The following ZSWIM5 variants were observed in gnomAD, a reference collection of about 807,000 sequenced individuals.
ZSWIM5 encodes the protein zinc finger SWIM-type containing 5, also known as zinc finger SWIM domain-containing protein 5.
ZSWIM5 carries 55 observed loss-of-function variants against 119.6 expected under a neutral mutation model. The ratio of observed to expected loss-of-function variants is 0.46; its 90% confidence interval spans 0.37 to 0.58. The LOEUF (loss-of-function observed/expected upper bound fraction) is 0.58, where lower values mean the gene tolerates loss of function less well. ZSWIM5 is among the 20% of genes least tolerant of loss of function. ZSWIM5 has a pLI of 0.00. For missense variants in ZSWIM5, 1,193 were observed against 1,512.8 expected (o/e 0.79, Z 3.51); for synonymous variants, 537 against 606.9 (o/e 0.88, Z 1.69).
chr1:45,092,282 T>C (rs1223160925), intron 1 of ZSWIM5, among the ~76,000 whole-genome samples: 2 of 152,020 alleles, frequency 1.3e-5, no homozygotes, highest in East Asian at 3.9e-4. Flanking sequence ...GATGGTAAGT[T>C]TTTTTGTTTG....
At chr1:45,099,114 G>A (rs1645421786) in intron 1 of ZSWIM5, among the ~76,000 whole-genome samples, 1 of 152,064 alleles carries the variant, frequency 6.6e-6, no homozygotes, top group African/African-American at 2.4e-5. Context: ...CCAGCAGCTG[G>A]TTTTTTGAAA....
chr1:45,165,324 G>C (rs1373747434), intron 1 of ZSWIM5, among the ~76,000 whole-genome samples: 1 of 152,132 alleles, frequency 6.6e-6, no homozygotes, highest in Non-Finnish European at 1.5e-5. Context: ...GCAGTGTGTA[G>C]AGGGAAATTT....
chr1:45,073,616 T>C (rs1292091515), intron 2 of ZSWIM5, among the ~76,000 whole-genome samples: 2 of 151,862 alleles, frequency 1.3e-5, no homozygotes, highest in African/African-American at 4.9e-5. Context: ...TGTTCATCAA[T>C]TCTAATAGTT....
At position 45,040,729 on chromosome 1, in the gene ZSWIM5, G is replaced by A. The variant is rs560557247; in HGVS notation, c.1610-191C>T. ...AAATCACAGGTGATATCTTGAAAGAGCTACCTTGCAGCCTCAGCGTGGTCT... is the reference window on the plus strand; with the variant it reads ...AAATCACAGGTGATATCTTGAAAGAACTACCTTGCAGCCTCAGCGTGGTCT... On this transcript the variant is annotated intron_variant, in intron 6 of 13. Coordinates refer to ENST00000359600, the MANE Select transcript of ZSWIM5 (RefSeq NM_020883.2). 1.1e-4 allele frequency among the ~76,000 whole-genome samples: 16 copies of A among 152,326 alleles called. No homozygotes were observed. In the South Asian group the frequency reaches 3.3e-3, roughly 32 times the overall value.
At chr1:45,107,828 G>A (rs1645491462) in intron 1 of ZSWIM5, among the ~76,000 whole-genome samples, 1 of 151,780 alleles carries the variant, frequency 6.6e-6, no homozygotes, top group Non-Finnish European at 1.5e-5. Context: ...GTCTTGCTAT[G>A]TCACCTACGC....
rs995660558 is a variant in ZSWIM5 at position 45,092,421 on chromosome 1, C to T, written c.596-4184G>A. Among the ~76,000 whole-genome samples, 6 of 151,958 alleles carry T rather than the reference C, an allele frequency of 3.9e-5. No homozygotes were observed. In the South Asian group the frequency reaches 6.2e-4, roughly 16 times the overall value. ...AAGTGATTCTCCTGCCTCAGCCTCC[C>T]GAGTAGCTGGGATTACAGGTGCCTG... On this transcript the variant is annotated intron_variant, in intron 1 of 13. Transcript: ENST00000359600.
chr1:45,133,376 A>AT (rs1386303142), intron 1 of ZSWIM5, among the ~76,000 whole-genome samples: 4 of 152,002 alleles, frequency 2.6e-5, no homozygotes. Flanking sequence ...GATGATGAGC[A>AT]TTTTTTCATG....
At chr1:45,183,138 C>T (rs1261560336) in intron 1 of ZSWIM5, among the ~76,000 whole-genome samples, 4 of 151,984 alleles carry the variant, frequency 2.6e-5, no homozygotes, top group African/African-American at 9.7e-5. Flanking sequence ...CAACCTGCTC[C>T]TGAATGACTA....
intron 1 of ZSWIM5, among the ~76,000 whole-genome samples, chr1:45,171,434 G>A (rs1344113616): frequency 1.3e-5 from 2 of 152,054 alleles, no homozygotes; most frequent in Non-Finnish European, 2.9e-5. Context: ...ATTACCTACA[G>A]TGGTAGGTAA....
intron 2 of ZSWIM5, among the ~76,000 whole-genome samples, chr1:45,074,837 G>C (rs1007982386): frequency 1.3e-5 from 2 of 151,568 alleles, no homozygotes; most frequent in Non-Finnish European, 2.9e-5. Context: ...TCTTCTTTTT[G>C]ATGTAGGTAC....
chr1:45,129,436 C>T lies in ZSWIM5; in HGVS notation c.596-41199G>A, dbSNP rs142907661. 8.4e-4 allele frequency among the ~76,000 whole-genome samples: 128 copies of T among 152,186 alleles called. 1 individual carries two copies. The Middle Eastern group carries it at 0.024, about 28-fold the overall frequency. On this transcript the variant is annotated intron_variant, in intron 1 of 13. Coordinates refer to ENST00000359600, the MANE Select transcript of ZSWIM5 (RefSeq NM_020883.2). The stretch of plus-strand genomic sequence containing the variant: ...CCTCCCAAAGTGCTGGGATTACAGG[C>T]GTGAGCCACCATGCCCAGCCAGATC...
chr1:45,154,459 CT>C (rs1160997235), intron 1 of ZSWIM5, among the ~76,000 whole-genome samples: 1 of 152,154 alleles, frequency 6.6e-6, no homozygotes, highest in Non-Finnish European at 1.5e-5. Context: ...GCCAACTAAT[CT>C]TCGACGAAAC....
intron 2 of ZSWIM5, among the ~76,000 whole-genome samples, chr1:45,079,716 G>C (rs1311308810): frequency 6.6e-6 from 1 of 152,154 alleles, no homozygotes; most frequent in Non-Finnish European, 1.5e-5. Context: ...CCACAGCTGG[G>C]AATGTCCTGA....
chr1:45,114,410 A>C (rs1645535305), intron 1 of ZSWIM5, among the ~76,000 whole-genome samples: 1 of 152,230 alleles, frequency 6.6e-6, no homozygotes, highest in South Asian at 2.1e-4. Context: ...AATGATAAAA[A>C]GGATCAATAG....
intron 1 of ZSWIM5, among the ~76,000 whole-genome samples, chr1:45,196,554 C>A (rs928808134): frequency 2.6e-5 from 4 of 151,708 alleles, no homozygotes; most frequent in Non-Finnish European, 4.4e-5. Context: ...CCACGCCCGG[C>A]TAATTTTTTG....
chr1:45,129,059 C>T (rs1397817869), intron 1 of ZSWIM5, among the ~76,000 whole-genome samples: 1 of 151,516 alleles, frequency 6.6e-6, no homozygotes, highest in East Asian at 1.9e-4. Context: ...AATATTGAGT[C>T]TTCCTATCCA....
At chr1:45,153,093 TAAAAAAAAAAAAAA>T (rs76324771) in intron 1 of ZSWIM5, among the ~76,000 whole-genome samples, 2 of 105,868 alleles carry the variant, frequency 1.9e-5, no homozygotes, top group African/African-American at 6.3e-5. Flanking sequence ...ATTAAAAAGT[TAAAAAAAAAAAAAA>T]AAAGAAAAAA....
At chr1:45,173,788 T>C (rs970644384) in intron 1 of ZSWIM5, among the ~76,000 whole-genome samples, 9 of 152,168 alleles carry the variant, frequency 5.9e-5, no homozygotes, top group Admixed American at 2.0e-4. Flanking sequence ...TTATTATTGT[T>C]ATGCAAATAA....
intron 8 of ZSWIM5, among the ~76,000 whole-genome samples, chr1:45,036,724 C>A (rs1358886451): frequency 6.6e-6 from 1 of 152,052 alleles, no homozygotes; most frequent in Non-Finnish European, 1.5e-5. Flanking sequence ...GAAGCTGAAT[C>A]AGAACCCCAG....
Sources: gnomAD v4.1 joint callset for allele counts (sites outside exome capture counted in the v4.1 genomes callset) on GRCh38, gnomAD v4.1.1 for gene constraint, MANE v1.5 for transcripts, NCBI Gene and HGNC (gene_info 2026-07-23, HGNC 2026-07-21) for gene names.